Variants in CAST observed in about 807,000 individuals in gnomAD.
CAST encodes the protein calpastatin.
Under a neutral mutation model 119.6 loss-of-function variants are expected in CAST, and 76 were observed. The ratio of observed to expected loss-of-function variants is 0.64; its 90% CI spans 0.53 to 0.77. The LOEUF (loss-of-function observed/expected upper bound fraction) is 0.77, where lower values mean the gene tolerates loss of function less well. CAST is among the 30% of genes least tolerant of loss of function. The pLI is 0.00. For missense variants in CAST, 953 were observed against 946.5 expected (o/e 1.01, Z -0.09); for synonymous variants, 319 against 331.6 (o/e 0.96, Z 0.41).
the CAST span, among the ~76,000 whole-genome samples, chr5:96,131,757 G>A: frequency 3.3e-5 from 5 of 152,144 alleles, no homozygotes; most frequent in Non-Finnish European, 4.4e-5. Flanking sequence ...AAGTTGGGAA[G>A]AGTTCACACC....
At chr5:96,346,493 A>G in the CAST span, among the ~76,000 whole-genome samples, 1 of 152,278 alleles carries the variant, frequency 6.6e-6, no homozygotes, top group East Asian at 1.9e-4. Flanking sequence ...CCCAAATAAC[A>G]AGTGAGTCAG....
chr5:96,755,544 G>T (rs1297029483), intron 22 of CAST, among the ~76,000 whole-genome samples: 1 of 152,200 alleles, frequency 6.6e-6, no homozygotes, highest in Non-Finnish European at 1.5e-5. Flanking sequence ...TGTGGTTTAA[G>T]TGCAGTCACT....
the CAST span, among the ~76,000 whole-genome samples, chr5:96,235,805 T>G: frequency 6.6e-6 from 1 of 152,156 alleles, no homozygotes; most frequent in East Asian, 1.9e-4. Flanking sequence ...CCTTCTGTTT[T>G]GAAGTCACTC....
chr5:96,370,445 T>C, the CAST span, among the ~76,000 whole-genome samples: 4 of 152,128 alleles, frequency 2.6e-5, no homozygotes, highest in Non-Finnish European at 5.9e-5. Context: ...CTGAGGACAA[T>C]ATGCAATATG....
chr5:96,598,355 C>T (rs777360430), intron 1 of CAST, among the ~76,000 whole-genome samples: 1 of 152,176 alleles, frequency 6.6e-6, no homozygotes, highest in Admixed American at 6.5e-5. Context: ...AGCTAGTTCC[C>T]TGGGTCAGCC....
chr5:96,372,227 A>G, the CAST span, among the ~76,000 whole-genome samples: 7 of 152,326 alleles, frequency 4.6e-5, no homozygotes, highest in South Asian at 4.1e-4. Context: ...TGGCTCCTTC[A>G]GTGTTCCTTG....
the CAST span, among the ~76,000 whole-genome samples, chr5:96,232,749 A>G: frequency 6.6e-6 from 1 of 152,146 alleles, no homozygotes; most frequent in African/African-American, 2.4e-5. Flanking sequence ...GCATGAAATT[A>G]CAAAACTTTA....
chr5:96,353,492 T>C, the CAST span, among the ~76,000 whole-genome samples: 1 of 152,188 alleles, frequency 6.6e-6, no homozygotes, highest in Non-Finnish European at 1.5e-5. Flanking sequence ...GGTGTGCACA[T>C]GAGGGTGTTT....
the CAST span, chr5:96,395,128 A>C: frequency 4.1e-6 from 4 of 973,010 alleles, no homozygotes; most frequent in Non-Finnish European, 6.5e-6. Flanking sequence ...TCTCATTTTA[A>C]GATTCTGTGC....
chr5:96,298,829 G>C, the CAST span, among the ~76,000 whole-genome samples: 1 of 151,804 alleles, frequency 6.6e-6, no homozygotes, highest in Non-Finnish European at 1.5e-5. Context: ...ATTTCAGTTA[G>C]GGAGAAGATT....
rs1042737668 is a variant in CAST at position 96,741,485 on chromosome 5, G to T, written c.1012-9G>T. On this transcript the variant is annotated splice_polypyrimidine_tract_variant and intron_variant, in intron 14 of 31. Coordinates refer to ENST00000675179, the MANE Select transcript of CAST (RefSeq NM_001750.7). Reference sequence around the variant, plus strand: ...CTGTAAGTCTAATCTTTTGTATTTTGTTTTTCAGGAATCTACAGAAGTTTT... The same window carrying T: ...CTGTAAGTCTAATCTTTTGTATTTTTTTTTTCAGGAATCTACAGAAGTTTT... 2.7e-5 allele frequency: 43 copies of T among 1,604,052 alleles called. No individual in the cohort carries two copies. Among genetic ancestry groups the T allele is most frequent in the Non-Finnish European group, 3.6e-5 (42 of 1,171,344 alleles).
the CAST span, among the ~76,000 whole-genome samples, chr5:96,069,375 GTGTGT>G: frequency 7.3e-6 from 1 of 137,358 alleles, no homozygotes; most frequent in Non-Finnish European, 1.6e-5. Flanking sequence ...GTGTGTGTGT[GTGTGT>G]GTCTATGTGT....
intron 1 of CAST, among the ~76,000 whole-genome samples, chr5:96,674,482 C>G (rs1750468525): frequency 6.6e-6 from 1 of 151,962 alleles, no homozygotes; most frequent in Admixed American, 6.6e-5. Context: ...TCATATTTGG[C>G]TCCCTTTTCC....
the CAST span, chr5:96,412,247 G>T: frequency 8.0e-7 from 1 of 1,248,346 alleles, no homozygotes; most frequent in Non-Finnish European, 1.2e-6. Flanking sequence ...TGTAACCTAA[G>T]TGTTCTTTCC....
the CAST span, among the ~76,000 whole-genome samples, chr5:96,331,878 G>A: frequency 2.3e-4 from 35 of 152,204 alleles, no homozygotes; most frequent in African/African-American, 8.2e-4. Flanking sequence ...ATAGTGATAT[G>A]GAGAGGAAAG....
the CAST span, among the ~76,000 whole-genome samples, chr5:96,374,551 G>A: frequency 1.3e-5 from 2 of 152,174 alleles, no homozygotes; most frequent in East Asian, 1.9e-4. Context: ...ATCAATCTGC[G>A]TATTCATGTG....
chr5:96,594,988 A>G (rs1747029964), intron 1 of CAST, among the ~76,000 whole-genome samples: 1 of 152,236 alleles, frequency 6.6e-6, no homozygotes, highest in African/African-American at 2.4e-5. Context: ...TGAGTGTGTC[A>G]AATATGGAAT....
the CAST span, among the ~76,000 whole-genome samples, chr5:96,118,462 G>A: frequency 6.6e-6 from 1 of 152,144 alleles, no homozygotes; most frequent in Non-Finnish European, 1.5e-5. Flanking sequence ...CGTAGAGTTT[G>A]TGAATAAAGC....
chr5:96,712,250 T>C (rs1756317559), intron 3 of CAST, among the ~76,000 whole-genome samples: 1 of 152,226 alleles, frequency 6.6e-6, no homozygotes, highest in Non-Finnish European at 1.5e-5. Flanking sequence ...GGTCACACAA[T>C]TTAGCAGAGC....
Sources: gnomAD v4.1 joint callset for allele counts (sites outside exome capture counted in the v4.1 genomes callset) on GRCh38, gnomAD v4.1.1 for gene constraint, MANE v1.5 for transcripts, NCBI Gene and HGNC (gene_info 2026-07-23, HGNC 2026-07-21) for gene names.